The following URI1 variants were observed in gnomAD, a reference collection of about 807,000 sequenced individuals.
URI1 encodes the protein URI1 prefoldin like chaperone.
In URI1, 39 loss-of-function variants were observed where a neutral mutation model predicts 60.2. The ratio of observed to expected loss-of-function variants is 0.65; its 90% CI spans 0.50 to 0.85. The LOEUF is 0.85. Among genes scored for constraint, URI1 ranks in the 40% least tolerant of loss-of-function variants. URI1 has a pLI of 0.00. For synonymous variants in URI1, 251 were observed against 236.8 expected, an observed-to-expected ratio of 1.06 and a Z score of -0.55; for missense variants, 691 against 665.9, an observed-to-expected ratio of 1.04 and a Z score of -0.42.
intron 2 of URI1, among the ~76,000 whole-genome samples, chr19:29,977,558 C>CTTTTTTTTTTTTTTT: frequency 8.9e-6 from 1 of 112,586 alleles, no homozygotes; most frequent in Non-Finnish European, 1.8e-5. Context: ...GTTATTTTTT[C>CTTTTTTTTTTTTTTT]TTTTTTTTTT....
At chr19:29,932,015 T>C (rs1246707507) in intron 1 of URI1, among the ~76,000 whole-genome samples, 1 of 151,330 alleles carries the variant, frequency 6.6e-6, no homozygotes, top group Admixed American at 6.6e-5. Context: ...ATAATATTAC[T>C]TCTTCTTTTC....
chr19:29,935,197 C>A (rs1019949025), intron 1 of URI1, among the ~76,000 whole-genome samples: 3 of 151,814 alleles, frequency 2.0e-5, no homozygotes, highest in African/African-American at 7.3e-5. Flanking sequence ...ATTTTCTTAG[C>A]GGTTGCCTTG....
intron 2 of URI1, among the ~76,000 whole-genome samples, chr19:29,979,506 T>A (rs1247483025): frequency 6.6e-6 from 1 of 152,190 alleles, no homozygotes; most frequent in African/African-American, 2.4e-5. Flanking sequence ...GAGAGAACAG[T>A]AGAACAGATT....
At chr19:30,014,817 G>T in intron 10 of URI1, 70 bp from the exon 11 acceptor site, 4 of 1,439,746 alleles carry the variant, frequency 2.8e-6, no homozygotes, top group Non-Finnish European at 3.8e-6. Flanking sequence ...ATTGCCAAAT[G>T]AGTGAATGGG....
rs140817981 is a variant in URI1 at position 29,996,479 on chromosome 19, TTG to T, written c.368-8862_368-8861del. ...TTTTTATTAGCTTTACAAGGGTGTT[TTG>T]TGTGTGTGTGTGTGTGTGTATTCTT... On this transcript the variant is annotated intron_variant, in intron 4 of 10. Transcript: ENST00000392271. Among the ~76,000 whole-genome samples the T allele has an allele frequency of 1.0e-3, 150 of 150,158 alleles. No individual in the cohort carries two copies. The East Asian group carries it at 0.016, about 16-fold the overall frequency.
intron 4 of URI1, among the ~76,000 whole-genome samples, chr19:29,989,988 G>A (rs1599707796): frequency 6.6e-6 from 1 of 152,014 alleles, no homozygotes; most frequent in East Asian, 1.9e-4. Context: ...ATTTTCTTCT[G>A]TGTTTTCTTC....
chr19:30,010,412 G>T (rs2056002875), intron 8 of URI1, among the ~76,000 whole-genome samples: 1 of 152,174 alleles, frequency 6.6e-6, no homozygotes, highest in African/African-American at 2.4e-5. Context: ...TGACTGAGAT[G>T]ATTAGCCAGA....
intron 1 of URI1, among the ~76,000 whole-genome samples, chr19:29,944,109 A>C (rs2055066356): frequency 8.2e-6 from 1 of 122,202 alleles, no homozygotes; most frequent in African/African-American, 3.1e-5. Context: ...ACTGCACTTC[A>C]CCCTGGGCGA....
At chr19:29,994,670 A>G (rs2055789283) in intron 4 of URI1, among the ~76,000 whole-genome samples, 3 of 152,126 alleles carry the variant, frequency 2.0e-5, no homozygotes, top group African/African-American at 7.2e-5. Flanking sequence ...GCTATTGTGA[A>G]TAGTGCTGCT....
intron 1 of URI1, among the ~76,000 whole-genome samples, chr19:29,934,078 G>C (rs1250172003): frequency 1.3e-5 from 2 of 151,378 alleles, no homozygotes; most frequent in Non-Finnish European, 2.9e-5. Flanking sequence ...TGGGATTACA[G>C]GTGCCTGCCA....
At chr19:29,979,049 T>C (rs2055560077) in intron 2 of URI1, among the ~76,000 whole-genome samples, 2 of 152,164 alleles carry the variant, frequency 1.3e-5, no homozygotes, top group Admixed American at 6.5e-5. Context: ...TAATTGCTAC[T>C]GTAATTAAGA....
At chr19:29,965,583 T>A (rs766148985) in intron 1 of URI1, among the ~76,000 whole-genome samples, 7 of 152,232 alleles carry the variant, frequency 4.6e-5, no homozygotes, top group Non-Finnish European at 8.8e-5. Flanking sequence ...ATGTTATGTT[T>A]ACTACATGGC....
intron 4 of URI1, among the ~76,000 whole-genome samples, chr19:29,999,282 A>T (rs1355393690): frequency 6.6e-6 from 1 of 152,048 alleles, no homozygotes; most frequent in Non-Finnish European, 1.5e-5. Context: ...CTGTGTTTTC[A>T]TATAGCTTTG....
At chr19:29,963,819 T>A (rs1281960664) in intron 1 of URI1, among the ~76,000 whole-genome samples, 3 of 152,202 alleles carry the variant, frequency 2.0e-5, no homozygotes, top group African/African-American at 7.2e-5. Flanking sequence ...TAGTAAGCCA[T>A]CTGCTGCTTC....
At chr19:29,963,686 TC>T (rs2145301210) in intron 1 of URI1, among the ~76,000 whole-genome samples, 1 of 152,330 alleles carries the variant, frequency 6.6e-6, no homozygotes, top group African/African-American at 2.4e-5. Context: ...TTGTAGATAT[TC>T]CTGAAGGTGA....
intron 1 of URI1, among the ~76,000 whole-genome samples, chr19:29,960,367 A>C (rs2055306511): frequency 6.6e-6 from 1 of 152,084 alleles, no homozygotes; most frequent in Non-Finnish European, 1.5e-5. Flanking sequence ...ATTTATTGAG[A>C]TATGTATTAA....
chr19:29,966,491 T>C (rs950008065), intron 1 of URI1, among the ~76,000 whole-genome samples: 3 of 152,156 alleles, frequency 2.0e-5, no homozygotes, highest in Admixed American at 6.5e-5. Flanking sequence ...CCAGTGCTTA[T>C]TGCATTTTTT....
At chr19:29,941,500 G>A (rs761287522), upstream of URI1, among the ~76,000 whole-genome samples, 8 of 152,052 alleles carry the variant, frequency 5.3e-5, no homozygotes, top group Non-Finnish European at 8.8e-5. Flanking sequence ...GCGGGCCAGT[G>A]GTCCCAGCTA....
At chr19:29,962,820 C>T (rs1259183856) in intron 1 of URI1, among the ~76,000 whole-genome samples, 2 of 152,026 alleles carry the variant, frequency 1.3e-5, no homozygotes, top group African/African-American at 2.4e-5. Flanking sequence ...GTGCAGAATT[C>T]TGTTTCTGTT....
Sources: allele counts gnomAD v4.1 joint callset (sites outside exome capture counted in the v4.1 genomes callset), GRCh38; gene constraint gnomAD v4.1.1; transcripts MANE v1.5; gene names NCBI Gene and HGNC (gene_info 2026-07-23, HGNC 2026-07-21).